The following FOXO1 variants were observed in gnomAD, a reference collection of about 807,000 sequenced individuals.
The protein encoded by FOXO1 is forkhead box O1.
In FOXO1, 6 loss-of-function variants were observed where a neutral mutation model predicts 44.1. That is an observed-to-expected ratio of 0.14 (90% CI 0.07 to 0.27). The LOEUF is 0.27. Ranked by LOEUF, FOXO1 falls within the 10% of genes least tolerant of loss-of-function variation. FOXO1 has a pLI of 1.00. For missense variants in FOXO1, 737 were observed against 888.8 expected (o/e 0.83, Z 2.17); for synonymous variants, 380 against 362.7 (o/e 1.05, Z -0.54).
intron 1 of FOXO1, among the ~76,000 whole-genome samples, chr13:40,601,368 A>C (rs929769918): frequency 6.6e-6 from 1 of 152,246 alleles, no homozygotes; most frequent in Non-Finnish European, 1.5e-5. Flanking sequence ...TTAATCAAAA[A>C]CAAGCTGGCA....
At chr13:40,574,092 CG>C (rs571611558) in intron 1 of FOXO1, among the ~76,000 whole-genome samples, 44 of 152,316 alleles carry the variant, frequency 2.9e-4, no homozygotes, top group East Asian at 1.2e-3. Context: ...CAAGTACAAA[CG>C]TTTTTTTATC....
chr13:40,581,091 C>A (rs923084329), intron 1 of FOXO1, among the ~76,000 whole-genome samples: 1 of 152,192 alleles, frequency 6.6e-6, no homozygotes, highest in African/African-American at 2.4e-5. Context: ...GGGCACTTTT[C>A]TTGGAGACAG....
chr13:40,639,887 C>A (rs1877292518), intron 1 of FOXO1, among the ~76,000 whole-genome samples: 1 of 152,222 alleles, frequency 6.6e-6, no homozygotes, highest in Admixed American at 6.5e-5. Context: ...CGGGAGAGAG[C>A]AACCTTTGCC....
At position 40,558,648 on chromosome 13, in the gene FOXO1, C is replaced by G. The variant is rs925103729; in HGVS notation, c.*401G>C. The G allele has an allele frequency of 5.1e-6, 2 of 393,334 alleles. No homozygotes were observed. Among genetic ancestry groups the G allele is most frequent in the Middle Eastern group, 6.4e-4 (1 of 1,570 alleles). The allele number at this position is 393,334 out of a possible 1,614,324, so 24.4% of individuals were successfully genotyped here. On this transcript the variant is annotated 3_prime_UTR_variant, in exon 3 of 3. Coordinates refer to ENST00000379561, the MANE Select transcript of FOXO1 (RefSeq NM_002015.4). ...TATTACAAAAAGAGTATAAACTTTC[C>G]TTGGACCAATTGGATATTTAGAAAA...
At chr13:40,565,965 G>C (rs1566062846) in intron 1 of FOXO1, among the ~76,000 whole-genome samples, 1 of 152,262 alleles carries the variant, frequency 6.6e-6, no homozygotes, top group Admixed American at 6.5e-5. Context: ...TTTTTCTCTT[G>C]ACACTAGATA....
chr13:40,632,600 T>G (rs1877002736), intron 1 of FOXO1, among the ~76,000 whole-genome samples: 2 of 151,020 alleles, frequency 1.3e-5, no homozygotes, highest in South Asian at 4.2e-4. Flanking sequence ...ATAGTGCCAT[T>G]GTACTACAGC....
At chr13:40,568,583 C>T (rs1242248607) in intron 1 of FOXO1, among the ~76,000 whole-genome samples, 3 of 152,158 alleles carry the variant, frequency 2.0e-5, no homozygotes, top group Non-Finnish European at 2.9e-5. Context: ...AGTAGACACA[C>T]GTTAGCAATA....
intron 1 of FOXO1, among the ~76,000 whole-genome samples, chr13:40,641,475 G>A (rs1402278449): frequency 1.3e-5 from 2 of 151,728 alleles, no homozygotes. Context: ...TTAACTAGCT[G>A]GATGAGCCAG....
At position 40,556,040 on chromosome 13, in the gene FOXO1, A is replaced by T. The variant is rs1412743034; in HGVS notation, c.*3009T>A. On this transcript the variant is annotated 3_prime_UTR_variant, in exon 3 of 3. Transcript: ENST00000379561. ...GGTCTGTTCGCATAAACCACAATAC[A>T]TTTTTTTTAATGAATGATTATTCCC... 1 of 152,074 alleles carries T rather than the reference A, an allele frequency of 6.6e-6. No homozygotes were observed. The highest frequency in any genetic ancestry group is 1.5e-5 in the Non-Finnish European group (1 of 67,996). 9.4% of individuals were successfully genotyped at this position (152,074 alleles called of 1,614,324 possible).
chr13:40,663,098 G>A (rs1213814174), intron 1 of FOXO1, among the ~76,000 whole-genome samples: 1 of 152,168 alleles, frequency 6.6e-6, no homozygotes. Flanking sequence ...ACTCATTTGA[G>A]AAAGGCAGCC....
chr13:40,588,354 G>T (rs918186929), intron 1 of FOXO1, among the ~76,000 whole-genome samples: 2 of 152,112 alleles, frequency 1.3e-5, no homozygotes, highest in African/African-American at 4.8e-5. Context: ...CAGGCCAACT[G>T]ATGTTTTAAG....
chr13:40,656,821 T>G (rs546571991), intron 1 of FOXO1, among the ~76,000 whole-genome samples: 1 of 152,146 alleles, frequency 6.6e-6, no homozygotes, highest in Admixed American at 6.6e-5. Context: ...CACATGCCTA[T>G]CACTCTGAGA....
In FOXO1 at chr13:40,656,565, A is replaced by C. The variant is rs758214037; in HGVS notation, c.630+9018T>G. 3.4e-4 allele frequency among the ~76,000 whole-genome samples: 52 copies of C among 152,212 alleles called. 1 individual carries two copies. Among genetic ancestry groups the C allele is most frequent in the Non-Finnish European group, 4.6e-4 (31 of 68,028 alleles). ...ACATAATCTGTTCTATGTATTGCCA[A>C]ATTCCGTATGTCAGTTTCAAAATCA... is the stretch of plus-strand genomic sequence containing the variant. On this transcript the variant is annotated intron_variant, in intron 1 of 2. Transcript: ENST00000379561.
At position 40,556,470 on chromosome 13, in the gene FOXO1, A is replaced by T. The variant is rs1178533481; in HGVS notation, c.*2579T>A. The T allele has an allele frequency of 2.0e-5, 3 of 152,684 alleles. No homozygotes were observed. Among genetic ancestry groups the T allele is most frequent in the Non-Finnish European group, 4.4e-5 (3 of 68,054 alleles). 9.5% of individuals were successfully genotyped at this position (152,684 alleles called of 1,614,324 possible). On this transcript the variant is annotated 3_prime_UTR_variant, in exon 3 of 3. Transcript: ENST00000379561. Reference sequence around the variant, plus strand: ...AGTACAAACCAGAGAAAATAAATCAAACAAGGCTGCATAGGTGATATCATT... The same window carrying T: ...AGTACAAACCAGAGAAAATAAATCATACAAGGCTGCATAGGTGATATCATT...
chr13:40,634,372 AG>A (rs1333603891), intron 1 of FOXO1, among the ~76,000 whole-genome samples: 1 of 152,198 alleles, frequency 6.6e-6, no homozygotes, highest in African/African-American at 2.4e-5. Flanking sequence ...AATCTCACTT[AG>A]GCATTAACAA....
rs375849187 is a variant in FOXO1 at position 40,641,344 on chromosome 13, C to T, written c.630+24239G>A. Among the ~76,000 whole-genome samples the T allele has an allele frequency of 4.6e-5, 7 of 152,214 alleles. No homozygotes were observed. In the East Asian group the frequency reaches 9.6e-4, roughly 21 times the overall value. ...CGCTCATTAATCATCACCACAAACACACCTGAATTATTCTCCTTAGAGAAC... is the reference window on the plus strand; with the variant it reads ...CGCTCATTAATCATCACCACAAACATACCTGAATTATTCTCCTTAGAGAAC... On this transcript the variant is annotated intron_variant, in intron 1 of 2. Transcript: ENST00000379561.
intron 1 of FOXO1, among the ~76,000 whole-genome samples, chr13:40,663,062 C>T (rs1208064354): frequency 6.6e-6 from 1 of 152,144 alleles, no homozygotes; most frequent in African/African-American, 2.4e-5. Flanking sequence ...AGACTTAAAC[C>T]AACTGACATT....
rs569028340 is a variant in FOXO1 at position 40,607,185 on chromosome 13, A to T, written c.631-46325T>A. 7.9e-5 allele frequency among the ~76,000 whole-genome samples: 12 copies of T among 152,288 alleles called. No individual in the cohort carries two copies. In the South Asian group the frequency reaches 2.5e-3, roughly 32 times the overall value. On this transcript the variant is annotated intron_variant, in intron 1 of 2. Transcript: ENST00000379561. ...GCCTTGGTTGGGCCTCTGGTACAGA[A>T]GGCACAGTGCAATTCTGTTTACACA...
In FOXO1 at chr13:40,559,915, C is replaced by T; in HGVS notation, c.1576G>A (p.Gly526Arg). The change falls in exon 2 of 3, where the codon GGA becomes AGA. Residue 526 changes from glycine (G) to arginine (R), a missense_variant. Physicochemically the swap from Gly to Arg is moderately radical, Grantham distance 125. This residue lies in a region of FOXO1 where 283 missense variants were observed against 278.1 expected (regional missense o/e 1.02). Coordinates refer to ENST00000379561, the MANE Select transcript of FOXO1 (RefSeq NM_002015.4). ...ACTGCAGATGTCTGCTGAGCATGTC[C>T]AGGGTGGGTATGGGAGCTGGGATTC... Reference protein sequence around the residue: ...MMNPSSHTHPGHAQQTSAVNG... With the variant: ...MMNPSSHTHPRHAQQTSAVNG... 1.2e-6 allele frequency: 2 copies of T among 1,614,158 alleles called. No homozygotes were observed. Among genetic ancestry groups the T allele is most frequent in the South Asian group, 2.2e-5 (2 of 91,082 alleles).
Sources: allele counts gnomAD v4.1 joint callset (sites outside exome capture counted in the v4.1 genomes callset), GRCh38; gene constraint gnomAD v4.1.1; regional missense constraint gnomAD v4.1.1; transcripts MANE v1.5; gene names NCBI Gene and HGNC (gene_info 2026-07-23, HGNC 2026-07-21).